The following NAP1L4 variants were observed in gnomAD, a reference collection of about 807,000 sequenced individuals.
NAP1L4 encodes the protein nucleosome assembly protein 1-like 4.
NAP1L4 carries 15 observed loss-of-function variants against 58.2 expected under a neutral mutation model. That is an observed-to-expected ratio of 0.26 (90% CI 0.17 to 0.40). The LOEUF (loss-of-function observed/expected upper bound fraction) is 0.40. Among genes scored for constraint, NAP1L4 ranks in the 10% least tolerant of loss-of-function variants. The probability of loss-of-function intolerance (pLI) is 1.00; values close to 1 mark genes in which losing one functional copy is unlikely to be tolerated. For synonymous variants in NAP1L4, 171 were observed against 155.6 expected, an observed-to-expected ratio of 1.10 and a Z score of -0.74; for missense variants, 384 against 451.1, an observed-to-expected ratio of 0.85 and a Z score of 1.35.
chr11:2,964,640 C>T (rs1447638595), intron 8 of NAP1L4, 40 bp downstream of exon 8: 3 of 1,544,752 alleles, frequency 1.9e-6, no homozygotes, highest in Non-Finnish European at 2.7e-6. Flanking sequence ...TGTGGACTGA[C>T]CCTGTCTGAT....
At chr11:2,978,394 C>T in intron 2 of NAP1L4, 52 bp from the exon 3 acceptor site, 1 of 1,526,142 alleles carries the variant, frequency 6.6e-7, no homozygotes, top group Non-Finnish European at 9.1e-7. Context: ...GTTCCAAAGA[C>T]ATAGCACAAA....
At position 2,959,845 on chromosome 11, in the gene NAP1L4, G is replaced by A. The variant is rs1283000159; in HGVS notation, c.671C>T (p.Thr224Ile). 1 of 1,614,204 alleles carries A rather than the reference G, an allele frequency of 6.2e-7. No homozygotes were observed. Among genetic ancestry groups the A allele is most frequent in the Non-Finnish European group, 8.5e-7 (1 of 1,180,020 alleles). ...DYFTNSVLTK[T>I]YKMKSEPDKA... Reference sequence around the variant, plus strand: ...ATCTGGTTCTGATTTCATCTTGTAGGTTTTTGTCAGGACTGAGTTGGTAAA... The same window carrying A: ...ATCTGGTTCTGATTTCATCTTGTAGATTTTTGTCAGGACTGAGTTGGTAAA... Residue 224 changes from threonine (T) to isoleucine (I), a missense_variant, in exon 9 of 16, where the codon ACC becomes ATC. Around this residue, in one of 3 missense-constraint regions of NAP1L4, gnomAD observed 296 missense variants for 360.8 expected, o/e 0.82. Transcript: ENST00000380542. This position sits in a 1 kb window ranked among gnomAD's most constrained non-coding sequence, Gnocchi z 4.9.
intron 7 of NAP1L4, 81 bp downstream of exon 7, chr11:2,969,722 T>C (rs1478519367): frequency 5.4e-6 from 8 of 1,484,206 alleles, no homozygotes; most frequent in African/African-American, 1.4e-5. Context: ...CAATGCCCAG[T>C]GTAGTGCTTA....
At position 2,971,643 on chromosome 11, in the gene NAP1L4, T is replaced by C; in HGVS notation, c.316-109A>G. The C allele has an allele frequency of 1.2e-6, 1 of 831,944 alleles. No individual in the cohort carries two copies. Among genetic ancestry groups the C allele is most frequent in the Non-Finnish European group, 1.8e-6 (1 of 548,706 alleles). The allele number at this position is 831,944 out of a possible 1,614,324, so 51.5% of individuals were successfully genotyped here. A position where few individuals can be genotyped will look rare whatever the true frequency, so the allele number is the denominator to read the frequency against. On this transcript the variant is annotated intron_variant, in intron 5 of 15. Transcript: ENST00000380542. The surrounding 1 kb of genome is among the most constrained non-coding windows in gnomAD (Gnocchi z 4.2). ...AAAAGACTTTGAAAACTGGATATTT[T>C]TATAACTTATTTTAAGATTCTAAAT...
intron 12 of NAP1L4, among the ~76,000 whole-genome samples, chr11:2,953,486 A>T (rs1173549695): frequency 6.6e-6 from 1 of 152,256 alleles, no homozygotes; most frequent in Non-Finnish European, 1.5e-5. Flanking sequence ...GGCAGAGGAC[A>T]GTTCCATCAA....
intron 6 of NAP1L4, 27 bp from the exon 7 acceptor site, chr11:2,969,961 C>T (rs996597279): frequency 1.8e-5 from 29 of 1,595,934 alleles, no homozygotes; most frequent in South Asian, 2.3e-5. Context: ...ACATAGGTAA[C>T]GAAAATAAAA....
At chr11:2,945,671 G>C (rs1032962675) in intron 15 of NAP1L4, 25 bp from the exon 16 acceptor site, 1 of 1,533,542 alleles carries the variant, frequency 6.5e-7, no homozygotes, top group East Asian at 2.4e-5. Context: ...GACAAGGCTT[G>C]TAGAGAGCAA....
chr11:2,948,166 C>G lies in NAP1L4; in HGVS notation c.*32+1061G>C, dbSNP rs968155519. On this transcript the variant is annotated intron_variant, in intron 15 of 15. Coordinates refer to ENST00000380542, the MANE Select transcript of NAP1L4 (RefSeq NM_005969.4). The surrounding 1 kb of genome is among the most constrained non-coding windows in gnomAD (Gnocchi z 5.1). The stretch of plus-strand genomic sequence containing the variant: ...GCAGCTAGACATAATTTTAAACATA[C>G]AGCCATATTCTGAAACCTGGCCCTG... Among the ~76,000 whole-genome samples the G allele has an allele frequency of 1.3e-5, 2 of 152,184 alleles. No homozygotes were observed. Among genetic ancestry groups the G allele is most frequent in the African/African-American group, 2.4e-5 (1 of 41,426 alleles).
At chr11:2,978,477 C>T (rs1312506422) in intron 2 of NAP1L4, 135 bp from the exon 3 acceptor site, 4 of 701,002 alleles carry the variant, frequency 5.7e-6, no homozygotes, top group African/African-American at 3.6e-5. Context: ...AAGAAAACTA[C>T]CAATGTGCAT....
Position 2,977,945 on chromosome 11 carries a change from C to T in NAP1L4, c.73+339G>A, listed in dbSNP as rs186590744. 3.1e-3 allele frequency among the ~76,000 whole-genome samples: 465 copies of T among 151,044 alleles called. 4 individuals carry two copies. The highest frequency in any genetic ancestry group is 0.01 in the African/African-American group (421 of 41,190). On this transcript the variant is annotated intron_variant, in intron 3 of 15. Transcript: ENST00000380542. ...CTACCTGGGAGGCTGCGGCAGGAAA[C>T]TGCTTGAGCCCAGGAGTCCAAGACC...
chr11:2,986,347 C>A (rs1848615062), intron 1 of NAP1L4, among the ~76,000 whole-genome samples: 1 of 143,972 alleles, frequency 6.9e-6, no homozygotes, highest in South Asian at 2.2e-4. Context: ...AGACTCCAGT[C>A]TGGGCGACAG....
chr11:2,992,004 G>T (rs1372640287), intron 1 of NAP1L4: 1 of 152,034 alleles, frequency 6.6e-6, no homozygotes, highest in African/African-American at 2.4e-5. Context: ...CGGGCGAGGC[G>T]CGCCGGGAGT....
intron 1 of NAP1L4, among the ~76,000 whole-genome samples, chr11:2,986,801 T>G (rs1379567318): frequency 7.2e-6 from 1 of 139,780 alleles, no homozygotes; most frequent in East Asian, 2.1e-4. Flanking sequence ...TTTTTTTTTG[T>G]ATTTTTAGTA....
intron 8 of NAP1L4, among the ~76,000 whole-genome samples, chr11:2,962,916 A>G (rs1030858913): frequency 6.6e-5 from 10 of 151,986 alleles, no homozygotes; most frequent in Non-Finnish European, 1.3e-4. Context: ...CCTGGCCAAC[A>G]TGGTGAAACC....
rs1564986920 is a variant in NAP1L4, at chr11:2,976,014, GCA to G, written c.173+8_173+9del. The G allele has an allele frequency of 1.9e-5, 30 of 1,606,096 alleles. No homozygotes were observed. The highest frequency in any genetic ancestry group is 2.3e-5 in the Non-Finnish European group (27 of 1,176,648). On this transcript the variant is annotated splice_region_variant and intron_variant, in intron 4 of 15. Coordinates refer to ENST00000380542, the MANE Select transcript of NAP1L4 (RefSeq NM_005969.4). ...CAAATTGCATGAGACCCTATTCACA[GCA>G]CACTTACGTTTCGATGTAGCTGGAA...
chr11:2,953,309 C>T (rs181266748), intron 12 of NAP1L4, among the ~76,000 whole-genome samples: 2 of 152,342 alleles, frequency 1.3e-5, no homozygotes, highest in Admixed American at 6.5e-5. Flanking sequence ...TTTAAACTGA[C>T]GGGTGTATGA....
At chr11:2,975,348 G>A (rs1433494719) in intron 4 of NAP1L4, among the ~76,000 whole-genome samples, 1 of 152,016 alleles carries the variant, frequency 6.6e-6, no homozygotes, top group Non-Finnish European at 1.5e-5. Context: ...AGTAAGAGAG[G>A]TCCTGACAAG....
At chr11:2,980,176 T>A (rs1848223017) in intron 1 of NAP1L4, among the ~76,000 whole-genome samples, 1 of 152,192 alleles carries the variant, frequency 6.6e-6, no homozygotes, top group East Asian at 1.9e-4. Context: ...GAACTTGATA[T>A]TAATAAAACT....
intron 6 of NAP1L4, among the ~76,000 whole-genome samples, chr11:2,970,423 A>G (rs934070851): frequency 1.3e-5 from 2 of 151,612 alleles, no homozygotes; most frequent in Non-Finnish European, 2.9e-5. Flanking sequence ...CTAAGTTGAA[A>G]TAAAAAAAAA....
Sources: allele counts gnomAD v4.1 joint callset (sites outside exome capture counted in the v4.1 genomes callset), GRCh38; gene constraint gnomAD v4.1.1; regional missense constraint gnomAD v4.1.1; non-coding constraint Gnocchi (gnomAD v3.1); transcripts MANE v1.5; gene names NCBI Gene and HGNC (gene_info 2026-07-23, HGNC 2026-07-21).